The following BICD1 variants were observed in gnomAD, a reference collection of about 807,000 sequenced individuals.
The protein encoded by BICD1 is protein bicaudal D homolog 1.
A neutral mutation model predicts 92.5 loss-of-function variants in BICD1; 35 were observed. The ratio of observed to expected loss-of-function variants is 0.38; its 90% CI spans 0.29 to 0.50. The LOEUF (loss-of-function observed/expected upper bound fraction) is 0.50. Ranked by LOEUF, BICD1 falls within the 20% of genes least tolerant of loss-of-function variation. The probability of loss-of-function intolerance (pLI) is 0.93; values close to 1 mark genes in which losing one functional copy is unlikely to be tolerated. For synonymous variants in BICD1, 429 were observed against 465.1 expected, an observed-to-expected ratio of 0.92 and a Z score of 1.00; for missense variants, 950 against 1,189.8, an observed-to-expected ratio of 0.80 and a Z score of 2.97.
intron 2 of BICD1, among the ~76,000 whole-genome samples, chr12:32,252,161 T>C (rs1946580444): frequency 8.4e-6 from 1 of 118,494 alleles, no homozygotes; most frequent in Non-Finnish European, 1.7e-5. Flanking sequence ...ACATATTATA[T>C]ATTTATAATA....
At chr12:32,172,426 T>C (rs1016516962) in intron 1 of BICD1, among the ~76,000 whole-genome samples, 3 of 152,208 alleles carry the variant, frequency 2.0e-5, no homozygotes, top group Admixed American at 6.5e-5. Flanking sequence ...CTTAACACTT[T>C]GATGGTGAAG....
chr12:32,337,007 G>GC lies in BICD1; in HGVS notation c.2253-490dup, dbSNP rs1938157508. Among the ~76,000 whole-genome samples, 1 of 152,158 alleles carries GC rather than the reference G, an allele frequency of 6.6e-6. No homozygotes were observed. The highest frequency in any genetic ancestry group is 1.5e-5 in the Non-Finnish European group (1 of 68,026). On this transcript the variant is annotated intron_variant, in intron 6 of 9. Transcript: ENST00000652176. This position sits in a 1 kb window ranked among gnomAD's most constrained non-coding sequence, Gnocchi z 4.7. ...GCCAGTAATCCCAGCACTTTGAGAG[G>GC]CCAAGGTGGGAGGATCACTTGAGGT...
At chr12:32,119,851 A>G (rs1942079510) in intron 1 of BICD1, among the ~76,000 whole-genome samples, 1 of 145,798 alleles carries the variant, frequency 6.9e-6, no homozygotes, top group Non-Finnish European at 1.5e-5. Flanking sequence ...AGCTTGGGCG[A>G]CAGAACAAGA....
chr12:32,372,852 G>T lies in BICD1; in HGVS notation c.2841-4688G>T, dbSNP rs139160504. Among the ~76,000 whole-genome samples the T allele has an allele frequency of 7.2e-5, 11 of 152,294 alleles. No homozygotes were observed. In the East Asian group the frequency reaches 1.9e-3, roughly 27 times the overall value. ...AGATTGTGCCACTGCGCTCCGGCCTGGGTGGCAGAAGAGGACCCTGTCTCC... is the reference window on the plus strand; with the variant it reads ...AGATTGTGCCACTGCGCTCCGGCCTTGGTGGCAGAAGAGGACCCTGTCTCC... On this transcript the variant is annotated intron_variant, in intron 9 of 9. Transcript: ENST00000652176.
chr12:32,333,181 T>G, intron 5 of BICD1: 1 of 984,718 alleles, frequency 1.0e-6, no homozygotes, highest in Non-Finnish European at 1.2e-6. Flanking sequence ...CTTTTCTGTT[T>G]TAAATGAATA....
At chr12:32,153,136 G>A (rs1453804894) in intron 1 of BICD1, among the ~76,000 whole-genome samples, 1 of 152,112 alleles carries the variant, frequency 6.6e-6, no homozygotes, top group Non-Finnish European at 1.5e-5. Flanking sequence ...TACCTGATGT[G>A]TAGCTCTCAT....
At chr12:32,225,621 G>GTTTTTGTTTTTTTTTTTTTTTTTTTTTT (rs1411722126) in intron 2 of BICD1, among the ~76,000 whole-genome samples, 5 of 92,776 alleles carry the variant, frequency 5.4e-5, no homozygotes, top group African/African-American at 7.3e-5. Flanking sequence ...CTTTTTTTCT[G>GTTTTTGTTTTTTTTTTTTTTTTTTTTTT]TTTTTTTTTT....
chr12:32,304,463 T>C (rs1948156812), intron 3 of BICD1, among the ~76,000 whole-genome samples: 1 of 152,218 alleles, frequency 6.6e-6, no homozygotes, highest in African/African-American at 2.4e-5. Flanking sequence ...GAATTCTGTT[T>C]TAAACACCAT....
intron 4 of BICD1, among the ~76,000 whole-genome samples, chr12:32,306,954 T>C (rs1428198368): frequency 6.6e-6 from 1 of 151,778 alleles, no homozygotes; most frequent in Non-Finnish European, 1.5e-5. Context: ...GAGGTGGAGA[T>C]TGCAGTGAGC....
intron 3 of BICD1, among the ~76,000 whole-genome samples, chr12:32,305,049 A>G (rs1565656482): frequency 6.6e-6 from 1 of 152,048 alleles, no homozygotes; most frequent in Non-Finnish European, 1.5e-5. Context: ...AAACAAACAA[A>G]CAAAAGCAAT....
intron 2 of BICD1, among the ~76,000 whole-genome samples, chr12:32,221,637 C>T (rs923545923): frequency 7.3e-5 from 11 of 151,630 alleles, no homozygotes; most frequent in South Asian, 2.1e-4. Flanking sequence ...GCCAAGATTG[C>T]GCCACTGTAC....
chr12:32,359,713 T>C (rs771905103), intron 8 of BICD1, among the ~76,000 whole-genome samples: 8 of 152,190 alleles, frequency 5.3e-5, no homozygotes, highest in Non-Finnish European at 1.2e-4. Context: ...TACTTTCAAA[T>C]AGATAATAGC....
intron 1 of BICD1, among the ~76,000 whole-genome samples, chr12:32,146,438 G>C (rs61926903): frequency 0.066 from 10,101 of 152,270 alleles, 406 homozygotes; most frequent in Middle Eastern, 0.13. Context: ...GGTGCTGGTA[G>C]GCAGGTGGAA....
intron 2 of BICD1, among the ~76,000 whole-genome samples, chr12:32,274,182 A>G (rs1283545891): frequency 6.6e-6 from 1 of 152,202 alleles, no homozygotes; most frequent in East Asian, 1.9e-4. Flanking sequence ...TTTAACATAT[A>G]GTTACTTAAA....
At chr12:32,213,933 G>C (rs779445656) in intron 1 of BICD1, among the ~76,000 whole-genome samples, 8 of 152,104 alleles carry the variant, frequency 5.3e-5, no homozygotes, top group Non-Finnish European at 8.8e-5. Flanking sequence ...ATTCTTACCT[G>C]TAACAGTTAT....
intron 2 of BICD1, among the ~76,000 whole-genome samples, chr12:32,270,861 T>A (rs1376069812): frequency 6.6e-6 from 1 of 152,198 alleles, no homozygotes; most frequent in African/African-American, 2.4e-5. Context: ...GGCCTTCTGA[T>A]GGGACCTTGC....
chr12:32,319,603 A>G (rs1948595253), intron 4 of BICD1, among the ~76,000 whole-genome samples: 2 of 151,818 alleles, frequency 1.3e-5, no homozygotes. Flanking sequence ...TTTTTGAAAC[A>G]GTCTTGGTCT....
At chr12:32,215,076 A>G (rs1172275696) in intron 1 of BICD1, among the ~76,000 whole-genome samples, 1 of 152,138 alleles carries the variant, frequency 6.6e-6, no homozygotes, top group Non-Finnish European at 1.5e-5. Context: ...TAAAAGGACA[A>G]AAATTAGCTG....
chr12:32,334,413 C>A, intron 5 of BICD1, 103 bp from the exon 6 acceptor site: 1 of 1,210,682 alleles, frequency 8.3e-7, no homozygotes, highest in Non-Finnish European at 1.1e-6. Flanking sequence ...AAATCAATTT[C>A]ACTTTCCTTT....
Sources: allele counts gnomAD v4.1 joint callset (sites outside exome capture counted in the v4.1 genomes callset), GRCh38; gene constraint gnomAD v4.1.1; non-coding constraint Gnocchi (gnomAD v3.1); transcripts MANE v1.5; gene names NCBI Gene and HGNC (gene_info 2026-07-23, HGNC 2026-07-21).